Variants in PLCB1 observed in about 807,000 individuals in gnomAD.
PLCB1 encodes 1-phosphatidylinositol 4,5-bisphosphate phosphodiesterase beta-1.
Under a neutral mutation model 161.8 loss-of-function variants are expected in PLCB1, and 46 were observed. The observed-to-expected ratio is 0.28, with a 90% CI of 0.22 to 0.36. PLCB1 has a LOEUF of 0.36. Ranked by LOEUF, PLCB1 falls within the 10% of genes least tolerant of loss-of-function variation. The pLI is 1.00. For synonymous variants in PLCB1, 517 were observed against 503.7 expected (o/e 1.03, Z -0.35); for missense variants, 1,016 against 1,472.5 (o/e 0.69, Z 5.07).
intron 1 of PLCB1, among the ~76,000 whole-genome samples, chr20:8,138,611 G>A (rs2051371653): frequency 6.6e-6 from 1 of 152,048 alleles, no homozygotes; most frequent in South Asian, 2.1e-4. Context: ...ATCCCCCTAA[G>A]CAGAGCCTTG....
chr20:8,281,054 T>G (rs1274330060), intron 2 of PLCB1, among the ~76,000 whole-genome samples: 2 of 152,186 alleles, frequency 1.3e-5, no homozygotes, highest in African/African-American at 2.4e-5. Flanking sequence ...TATGGCTACA[T>G]AAAAAAATTA....
chr20:8,653,673 T>C lies in PLCB1; in HGVS notation c.595-3511T>C, dbSNP rs560566571. 5 of 152,166 alleles carry C rather than the reference T, an allele frequency of 3.3e-5. No homozygotes were observed. The East Asian group carries it at 7.7e-4, about 24-fold the overall frequency. 9.4% of individuals were successfully genotyped at this position (152,166 alleles called of 1,614,324 possible). The stretch of plus-strand genomic sequence containing the variant: ...CATTTTTTCTGATTTTTTTCCGAAA[T>C]TTAAGTACCCATTTCTCATATAATT... On this transcript the variant is annotated intron_variant, in intron 7 of 31. Coordinates refer to ENST00000338037, the MANE Select transcript of PLCB1 (RefSeq NM_015192.4).
intron 3 of PLCB1, among the ~76,000 whole-genome samples, chr20:8,548,918 A>G (rs1291788054): frequency 4.6e-5 from 7 of 152,222 alleles, no homozygotes; most frequent in Non-Finnish European, 1.0e-4. Flanking sequence ...AAGCTATTTA[A>G]CATTTCCCAG....
chr20:8,624,516 A>G (rs1988276927), intron 3 of PLCB1, among the ~76,000 whole-genome samples: 1 of 152,254 alleles, frequency 6.6e-6, no homozygotes, highest in South Asian at 2.1e-4. Flanking sequence ...TCAAACCAGC[A>G]TTTAACTCTT....
Position 8,132,890 on chromosome 20 carries a change from A to T in PLCB1, c.99+140A>T. ...GGCAGCCTCGGGCGCACAGGTTGGC[A>T]TCTGCCAAAGCGGATGTCCAAGGGC... On this transcript the variant is annotated intron_variant, in intron 1 of 31. Coordinates refer to ENST00000338037, the MANE Select transcript of PLCB1 (RefSeq NM_015192.4). This position sits in a 1 kb window ranked among gnomAD's most constrained non-coding sequence, Gnocchi z 5.2. 1.5e-6 allele frequency: 1 copy of T among 647,040 alleles called. No homozygotes were observed. The highest frequency in any genetic ancestry group is 2.8e-6 in the Non-Finnish European group (1 of 358,064). 40.1% of individuals were successfully genotyped at this position (647,040 alleles called of 1,614,324 possible). A position where few individuals can be genotyped will look rare whatever the true frequency, so the allele number is the denominator to read the frequency against.
chr20:8,673,534 G>A (rs1990000657), intron 9 of PLCB1, among the ~76,000 whole-genome samples: 1 of 152,152 alleles, frequency 6.6e-6, no homozygotes, highest in Admixed American at 6.5e-5. Context: ...CCGCATATTT[G>A]TTGGACTTCA....
Position 8,239,459 on chromosome 20 carries a change from G to A in PLCB1, c.177+89088G>A, listed in dbSNP as rs73084318. Among the ~76,000 whole-genome samples, 356 of 152,146 alleles carry A rather than the reference G, an allele frequency of 2.3e-3. 2 individuals are homozygous for A. The highest frequency in any genetic ancestry group is 4.5e-3 in the Non-Finnish European group (305 of 67,974). On this transcript the variant is annotated intron_variant, in intron 2 of 31. Transcript: ENST00000338037. The stretch of plus-strand genomic sequence containing the variant: ...CTTAGTGATGTTTGCAAATAAGCCA[G>A]TGGTGGGTGTGGATAAATTAGAGAG...
At chr20:8,530,119 C>T (rs1013487919) in intron 3 of PLCB1, among the ~76,000 whole-genome samples, 6 of 152,046 alleles carry the variant, frequency 3.9e-5, no homozygotes, top group East Asian at 1.9e-4. Context: ...AGCATCTTTT[C>T]GGATGTTTAT....
chr20:8,740,485 G>T, intron 22 of PLCB1, 37 bp downstream of exon 22: 33 of 1,131,112 alleles, frequency 2.9e-5, no homozygotes, highest in Non-Finnish European at 3.4e-5. Context: ...TTACTCAAAG[G>T]GGTATTTCTG....
At chr20:8,159,417 C>T (rs181173795) in intron 2 of PLCB1, among the ~76,000 whole-genome samples, 4 of 152,110 alleles carry the variant, frequency 2.6e-5, no homozygotes, top group African/African-American at 9.7e-5. Flanking sequence ...TTTTTTCCTC[C>T]TAGGCCTCTG....
chr20:8,722,602 T>C (rs1979710111), intron 15 of PLCB1, among the ~76,000 whole-genome samples, 181 bp downstream of exon 15: 1 of 152,172 alleles, frequency 6.6e-6, no homozygotes, highest in Non-Finnish European at 1.5e-5. Flanking sequence ...GGAGAAGATA[T>C]GGCGTTTAGA....
At chr20:8,769,561 C>T (rs1982562819) in intron 26 of PLCB1, among the ~76,000 whole-genome samples, 1 of 152,120 alleles carries the variant, frequency 6.6e-6, no homozygotes, top group Non-Finnish European at 1.5e-5. Context: ...AATCCAACGA[C>T]CTTCACAGCT....
At chr20:8,171,158 C>T (rs577389166) in intron 2 of PLCB1, among the ~76,000 whole-genome samples, 124 of 152,018 alleles carry the variant, frequency 8.2e-4, no homozygotes, top group African/African-American at 2.9e-3. Flanking sequence ...GTATATGGTG[C>T]AACATTTTAT....
In PLCB1 at chr20:8,789,545, T is replaced by C. The variant is rs1365628717; in HGVS notation, c.3306T>C (p.Tyr1102=). 1.2e-6 allele frequency: 2 copies of C among 1,612,002 alleles called. No individual in the cohort carries two copies. Among genetic ancestry groups the C allele is most frequent in the Admixed American group, 1.7e-5 (1 of 60,026 alleles). ...AGAAGACAGAGATGATCCGGTCATATATCCAGGAAGTGGTGCAGTATATCA... is the reference window on the plus strand; with the variant it reads ...AGAAGACAGAGATGATCCGGTCATACATCCAGGAAGTGGTGCAGTATATCA... The part of the protein sequence containing the change: ...EEEKTEMIRS[Y]IQEVVQYIKR... The change falls in exon 30 of 32, where the codon TAT becomes TAC. Residue 1102 remains tyrosine (Y), a synonymous_variant. Coordinates refer to ENST00000338037, the MANE Select transcript of PLCB1 (RefSeq NM_015192.4).
chr20:8,446,759 G>A (rs1980852671), intron 3 of PLCB1, among the ~76,000 whole-genome samples: 1 of 152,150 alleles, frequency 6.6e-6, no homozygotes, highest in East Asian at 1.9e-4. Context: ...ACCGTTTAGT[G>A]TACTACTCAG....
chr20:8,555,806 A>G (rs564395387), intron 3 of PLCB1, among the ~76,000 whole-genome samples: 7 of 152,222 alleles, frequency 4.6e-5, no homozygotes, highest in African/African-American at 1.4e-4. Context: ...AGAATAGACT[A>G]TAATTTCCAT....
chr20:8,537,536 C>G (rs1184190502), intron 3 of PLCB1, among the ~76,000 whole-genome samples: 3 of 151,998 alleles, frequency 2.0e-5, no homozygotes, highest in African/African-American at 7.2e-5. Flanking sequence ...AGCCACCTGC[C>G]CAGGGTCACC....
chr20:8,878,876 T>G (rs1987874109), intron 31 of PLCB1, among the ~76,000 whole-genome samples: 2 of 152,138 alleles, frequency 1.3e-5, no homozygotes, highest in Non-Finnish European at 2.9e-5. Context: ...TATATTGTGC[T>G]GAGGTTTGGG....
intron 12 of PLCB1, among the ~76,000 whole-genome samples, chr20:8,715,080 A>G (rs1340158938): frequency 7.2e-5 from 11 of 152,200 alleles, no homozygotes. Flanking sequence ...TATTCTTAGT[A>G]CAGTCACAGT....
Sources: allele counts gnomAD v4.1 joint callset (sites outside exome capture counted in the v4.1 genomes callset), GRCh38; gene constraint gnomAD v4.1.1; non-coding constraint Gnocchi (gnomAD v3.1); transcripts MANE v1.5; gene names NCBI Gene and HGNC (gene_info 2026-07-23, HGNC 2026-07-21).